Variants in CREBBP observed in about 807,000 individuals in gnomAD.
The protein encoded by CREBBP is CREB-binding protein.
In CREBBP, 19 loss-of-function variants were observed where a neutral mutation model predicts 265.0. The observed-to-expected ratio is 0.07, with a 90% confidence interval of 0.05 to 0.11. The LOEUF (loss-of-function observed/expected upper bound fraction) is 0.11, where lower values mean the gene tolerates loss of function less well. Among genes scored for constraint, CREBBP ranks in the 10% least tolerant of loss-of-function variants. The pLI, the probability that CREBBP is intolerant of heterozygous loss-of-function variation, is 1.00. For synonymous variants in CREBBP, 1,457 were observed against 1,223.7 expected (o/e 1.19, Z -3.98); for missense variants, 2,525 against 3,219.0 (o/e 0.78, Z 5.22).
At chr16:3,732,419 T>TC (rs2051941490) in intron 28 of CREBBP, among the ~76,000 whole-genome samples, 1 of 152,112 alleles carries the variant, frequency 6.6e-6, no homozygotes, top group South Asian at 2.1e-4. Flanking sequence ...CGGGGTCCAC[T>TC]CAAGGCCCAC....
In CREBBP at chr16:3,779,174, G is replaced by GAA. The variant is rs776005629; in HGVS notation, c.1824-359_1824-358dup. On this transcript the variant is annotated intron_variant, in intron 8 of 30. Transcript: ENST00000262367. ...AGAGTCAGACTCCATACCAAAAAAA[G>GAA]AAGAAAAAAAAAAAAAAGACACAGG... Among the ~76,000 whole-genome samples the GAA allele has an allele frequency of 7.5e-3, 1,014 of 135,308 alleles. 9 individuals carry two copies. Among genetic ancestry groups the GAA allele is most frequent in the Middle Eastern group, 0.022 (6 of 272 alleles). 88.8% of individuals were successfully genotyped at this position (135,308 alleles called of 152,430 possible).
intron 15 of CREBBP, among the ~76,000 whole-genome samples, chr16:3,768,646 G>C (rs1039300102): frequency 2.0e-5 from 3 of 152,190 alleles, no homozygotes; most frequent in African/African-American, 4.8e-5. Context: ...ACTACAGTTG[G>C]TGCTCACAAC....
Position 3,850,929 on chromosome 16 carries a change from T to G in CREBBP, c.166A>C (p.Ser56Arg), listed in dbSNP as rs201243744. The G allele has an allele frequency of 6.2e-7, 1 of 1,614,236 alleles. No homozygotes were observed. The highest frequency in any genetic ancestry group is 1.1e-5 in the South Asian group (1 of 91,086). Reference protein sequence around the residue: ...PNGGELGLLNSGNLVPDAASK... With the variant: ...PNGGELGLLNRGNLVPDAASK... ...GCAGCATCTGGAACAAGGTTCCCAC[T>G]GTTTAAAAGGCCTAATTCTCCTCCA... The change falls in exon 2 of 31, where the codon AGT (serine) becomes CGT (arginine). Residue 56 changes from serine to arginine, a missense_variant. Around this residue, in one of 19 missense-constraint regions of CREBBP, gnomAD observed 356 missense variants for 340.4 expected, o/e 1.05. Transcript: ENST00000262367.
chr16:3,868,487 T>TC (rs1400985554), intron 1 of CREBBP, among the ~76,000 whole-genome samples: 1 of 128,542 alleles, frequency 7.8e-6, no homozygotes, highest in Non-Finnish European at 1.8e-5. Flanking sequence ...TCACAGGAGC[T>TC]CCCCCAATCA....
chr16:3,762,540 G>A (rs2052746405), intron 16 of CREBBP, among the ~76,000 whole-genome samples: 2 of 151,812 alleles, frequency 1.3e-5, no homozygotes, highest in Admixed American at 1.3e-4. Context: ...GATCCCATAT[G>A]TGCAGAAGTG....
At chr16:3,765,903 A>T (rs1407522912) in intron 16 of CREBBP, among the ~76,000 whole-genome samples, 1 of 152,008 alleles carries the variant, frequency 6.6e-6, no homozygotes, top group African/African-American at 2.4e-5. Flanking sequence ...TGGTGCAATC[A>T]TAGACCCTGA....
intron 18 of CREBBP, among the ~76,000 whole-genome samples, 198 bp from the exon 19 acceptor site, chr16:3,757,574 G>A (rs1334632299): frequency 6.6e-6 from 1 of 152,078 alleles, no homozygotes; most frequent in Non-Finnish European, 1.5e-5. Flanking sequence ...ACTACAGACA[G>A]GTACCACAGG....
rs767903262 is a variant in CREBBP at position 3,728,288 on chromosome 16, ATGCTGCTGCATGCGCTGC to A, written c.6741_6758del (p.Gln2247_Gln2252del). The stretch of plus-strand genomic sequence containing the variant: ...CCATGGAGCTGCCCTGGAGGGGGAG[ATGCTGCTGCATGCGCTGC>A]TGCTGCTGCATGGCCGGTGGGTAGC... On this transcript the variant is annotated inframe_deletion, in exon 31 of 31. Transcript: ENST00000262367. This position sits in a 1 kb window ranked among gnomAD's most constrained non-coding sequence, Gnocchi z 8.7. The A allele has an allele frequency of 2.5e-6, 4 of 1,611,348 alleles. No homozygotes were observed. Among genetic ancestry groups the A allele is most frequent in the Non-Finnish European group, 3.4e-6 (4 of 1,179,460 alleles).
intron 1 of CREBBP, among the ~76,000 whole-genome samples, chr16:3,874,315 T>C (rs2055357044): frequency 6.6e-6 from 1 of 152,198 alleles, no homozygotes; most frequent in African/African-American, 2.4e-5. Context: ...CTCCACATCA[T>C]GCAGCTCAGA....
chr16:3,765,265 C>CG (rs1291553239), intron 16 of CREBBP, among the ~76,000 whole-genome samples: 1 of 152,066 alleles, frequency 6.6e-6, no homozygotes, highest in African/African-American at 2.4e-5. Flanking sequence ...TGTGAGGCAC[C>CG]GCGTCTGGCC....
intron 28 of CREBBP, among the ~76,000 whole-genome samples, chr16:3,734,933 G>A (rs954092632): frequency 5.9e-5 from 9 of 152,118 alleles, no homozygotes; most frequent in African/African-American, 1.9e-4. Context: ...AGCAGCCCAC[G>A]CAAGAGCCAC....
At chr16:3,797,228 T>C (rs1567321169) in intron 3 of CREBBP, among the ~76,000 whole-genome samples, 1 of 152,146 alleles carries the variant, frequency 6.6e-6, no homozygotes, top group African/African-American at 2.4e-5. Context: ...CTACGTTTTG[T>C]GTGATTTTGT....
In CREBBP at chr16:3,758,066, G is replaced by A. The variant is rs775571097; in HGVS notation, c.3370-18C>T. The stretch of plus-strand genomic sequence containing the variant: ...AAATAGTCCTTAAAAAAAAAAAAAT[G>A]GTCTCAGTATAGGGAATCCCCCAAT... On this transcript the variant is annotated intron_variant, in intron 17 of 30. Coordinates refer to ENST00000262367, the MANE Select transcript of CREBBP (RefSeq NM_004380.3). 6.3e-7 allele frequency: 1 copy of A among 1,586,248 alleles called. No individual in the cohort carries two copies.
intron 8 of CREBBP, among the ~76,000 whole-genome samples, chr16:3,779,675 T>C (rs1010344893): frequency 5.9e-5 from 9 of 152,240 alleles, no homozygotes; most frequent in Non-Finnish European, 1.3e-4. Context: ...TTAACAAGTA[T>C]GTGCTGGGTC....
Position 3,809,398 on chromosome 16 carries a change from G to A in CREBBP, c.975+1205C>T, listed in dbSNP as rs1000975486. ...TCATCATCTTGGCCAGCCTGGCCTC[G>A]AACTCCTGACCTAGTGATCCACCCG... is the stretch of plus-strand genomic sequence containing the variant. On this transcript the variant is annotated intron_variant, in intron 3 of 30. Coordinates refer to ENST00000262367, the MANE Select transcript of CREBBP (RefSeq NM_004380.3). Among the ~76,000 whole-genome samples, 6 of 151,840 alleles carry A rather than the reference G, an allele frequency of 4.0e-5. No individual in the cohort carries two copies. In the East Asian group the frequency reaches 5.8e-4, roughly 15 times the overall value.
At chr16:3,768,117 T>C (rs1056205453) in intron 15 of CREBBP, among the ~76,000 whole-genome samples, 1 of 147,898 alleles carries the variant, frequency 6.8e-6, no homozygotes, top group Non-Finnish European at 1.5e-5. Flanking sequence ...AGTGCAATTA[T>C]GGTCCTAAAT....
At position 3,725,598 on chromosome 16, in the gene CREBBP, G is replaced by C. The variant is rs985561948; in HGVS notation, c.*2120C>G. ...GGCCTGTGCTTCCCCTCCTGGGATG[G>C]GGTGAATGGGGGCTGGTCAGGGGTG... On this transcript the variant is annotated 3_prime_UTR_variant, in exon 31 of 31. Transcript: ENST00000262367. 1 of 233,222 alleles carries C rather than the reference G, an allele frequency of 4.3e-6. No individual in the cohort carries two copies. The highest frequency in any genetic ancestry group is 2.2e-5 in the African/African-American group (1 of 45,348). 14.4% of individuals were successfully genotyped at this position (233,222 alleles called of 1,614,324 possible).
In CREBBP at chr16:3,850,700, C is replaced by T. The variant is rs983063124; in HGVS notation, c.395G>A (p.Ser132Asn). The change falls in exon 2 of 31, where the codon AGC becomes AAC. Residue 132 changes from serine (S) to asparagine (N), a missense_variant. By Grantham distance (46) the Ser-to-Asn change is conservative. Around this residue, in one of 19 missense-constraint regions of CREBBP, gnomAD observed 356 missense variants for 340.4 expected, o/e 1.05. Coordinates refer to ENST00000262367, the MANE Select transcript of CREBBP (RefSeq NM_004380.3). ...PLSQGDSSAP[S>N]LPKQAASTSG... Reference sequence around the variant, plus strand: ...GGTGCTGGCTGCCTGTTTAGGCAGGCTGGGGGCTGAAGAATCTCCCTGGCT... The same window carrying T: ...GGTGCTGGCTGCCTGTTTAGGCAGGTTGGGGGCTGAAGAATCTCCCTGGCT... 6.8e-6 allele frequency: 11 copies of T among 1,613,978 alleles called. No homozygotes were observed. Among genetic ancestry groups the T allele is most frequent in the African/African-American group, 2.7e-5 (2 of 74,942 alleles).
At chr16:3,768,697 G>C (rs2052924404) in intron 15 of CREBBP, among the ~76,000 whole-genome samples, 1 of 152,164 alleles carries the variant, frequency 6.6e-6, no homozygotes, top group African/African-American at 2.4e-5. Context: ...AATGCTGAAA[G>C]CATCTCATTT....
Sources: allele counts gnomAD v4.1 joint callset (sites outside exome capture counted in the v4.1 genomes callset), GRCh38; gene constraint gnomAD v4.1.1; regional missense constraint gnomAD v4.1.1; non-coding constraint Gnocchi (gnomAD v3.1); transcripts MANE v1.5; gene names NCBI Gene and HGNC (gene_info 2026-07-23, HGNC 2026-07-21).